Variants in PLET1 observed in about 807,000 individuals in gnomAD.
PLET1 encodes placenta expressed transcript 1.
Under a neutral mutation model 18.5 loss-of-function variants are expected in PLET1, and 20 were observed. That is an observed-to-expected ratio of 1.08 (90% CI 0.76 to 1.57). PLET1 has a LOEUF of 1.57. Ranked by LOEUF, PLET1 falls within the 40% of genes most tolerant of loss-of-function variation. PLET1 has a pLI of 0.00. For synonymous variants in PLET1, 93 were observed against 93.8 expected, an observed-to-expected ratio of 0.99 and a Z score of 0.05; for missense variants, 256 against 246.4, an observed-to-expected ratio of 1.04 and a Z score of -0.26.
intron 1 of PLET1, among the ~76,000 whole-genome samples, chr11:112,257,532 C>A (rs865881416): frequency 1.3e-5 from 2 of 152,200 alleles, no homozygotes; most frequent in African/African-American, 4.8e-5. Flanking sequence ...AGTCATGCAT[C>A]CAATGTTGTA....
Position 112,260,575 on chromosome 11 carries a change from A to G in PLET1, c.15T>C (p.His5=), listed in dbSNP as rs750215174. ...TCCCCAGTGGCTGCAGCAGCATGTC[A>G]TGGAAGACTGCCATGGTCTCAGTCT... is the stretch of plus-strand genomic sequence containing the variant. MAVF[H]DMLLQPLGMF... Residue 5 remains histidine, a synonymous_variant, in exon 1 of 4, where the codon CAT becomes CAC. Coordinates refer to ENST00000338832, the MANE Select transcript of PLET1 (RefSeq NM_001145024.1). 11 of 1,551,252 alleles carry G rather than the reference A, an allele frequency of 7.1e-6. No individual in the cohort carries two copies. In the South Asian group the frequency reaches 7.1e-5, roughly 10 times the overall value.
chr11:112,249,673 A>G (rs1860134752), intron 3 of PLET1, among the ~76,000 whole-genome samples: 1 of 152,122 alleles, frequency 6.6e-6, no homozygotes, highest in Non-Finnish European at 1.5e-5. Context: ...GGAGGTCTGT[A>G]AGGAAGAGGA....
intron 1 of PLET1, chr11:112,260,153 T>C: frequency 2.4e-6 from 1 of 422,842 alleles, no homozygotes; most frequent in Non-Finnish European, 4.2e-6. Flanking sequence ...AAGTGTGCTC[T>C]TGCTGGGACT....
At chr11:112,251,259 C>T (rs753557945) in intron 3 of PLET1, among the ~76,000 whole-genome samples, 4 of 147,646 alleles carry the variant, frequency 2.7e-5, no homozygotes, top group African/African-American at 7.5e-5. Flanking sequence ...TTCTGAATCT[C>T]CTTTCTTGAA....
rs1860122346 is a variant in PLET1 at position 112,248,387 on chromosome 11, G to A, written c.*412C>T. ...CAGAAGTTCCTTGTAACCTGAATGG[G>A]TTTGGTTAGAAATCTGAGATCATCT... On this transcript the variant is annotated 3_prime_UTR_variant, in exon 4 of 4. Coordinates refer to ENST00000338832, the MANE Select transcript of PLET1 (RefSeq NM_001145024.1). The A allele has an allele frequency of 2.5e-6, 1 of 394,864 alleles. No individual in the cohort carries two copies. The highest frequency in any genetic ancestry group is 1.4e-4 in the South Asian group (1 of 7,392). The allele number at this position is 394,864 out of a possible 1,614,324, so 24.5% of individuals were successfully genotyped here.
At chr11:112,251,538 G>A (rs150274633) in intron 3 of PLET1, among the ~76,000 whole-genome samples, 2,025 of 152,292 alleles carry the variant, frequency 0.013, 18 homozygotes, top group Middle Eastern at 0.048. Context: ...TCGCACTACT[G>A]CACTCCAGCC....
chr11:112,251,124 A>T (rs1378708204), intron 3 of PLET1, among the ~76,000 whole-genome samples: 1 of 152,194 alleles, frequency 6.6e-6, no homozygotes, highest in Non-Finnish European at 1.5e-5. Context: ...TAAAAAAGTC[A>T]TTCAAAAACA....
At chr11:112,255,104 A>G (rs917177641) in intron 2 of PLET1, among the ~76,000 whole-genome samples, 2 of 72,954 alleles carry the variant, frequency 2.7e-5, no homozygotes, top group Admixed American at 1.6e-4. Flanking sequence ...TGTGGTATGT[A>G]TGTGTGGTGT....
At chr11:112,255,323 T>C in intron 2 of PLET1, 65 bp downstream of exon 2, 2 of 1,465,606 alleles carry the variant, frequency 1.4e-6, no homozygotes, top group African/African-American at 1.4e-5. Flanking sequence ...CCTAGCTTAG[T>C]GTAAAACTGC....
Position 112,260,406 on chromosome 11 carries a change from C to T in PLET1, c.184G>A (p.Val62Ile). ...AGCAGAGAGCATGGCTTCTACTCAC[C>T]AGAATAGACTGCATTGCTTTCGTAG... ...HIYESNAVYSVFVPVNDSVYA... is the reference protein window; with the variant it reads ...HIYESNAVYSIFVPVNDSVYA... Residue 62 changes from valine (V) to isoleucine (I), a missense_variant and splice_region_variant, in exon 1 of 4, where the codon GTA becomes ATA. Physicochemically the swap from Val to Ile is conservative, Grantham distance 29. Transcript: ENST00000338832. 1 of 1,550,166 alleles carries T rather than the reference C, an allele frequency of 6.5e-7. No homozygotes were observed. The highest frequency in any genetic ancestry group is 8.7e-7 in the Non-Finnish European group (1 of 1,145,846).
chr11:112,252,454 C>A, intron 2 of PLET1, 45 bp from the exon 3 acceptor site: 1 of 1,503,492 alleles, frequency 6.7e-7, no homozygotes, highest in Non-Finnish European at 9.0e-7. Flanking sequence ...GGACCTCATG[C>A]GGAATTCACA....
intron 3 of PLET1, 46 bp downstream of exon 3, chr11:112,252,298 GCTGA>G: frequency 6.7e-7 from 1 of 1,487,026 alleles, no homozygotes; most frequent in Non-Finnish European, 9.2e-7. Flanking sequence ...AATTTTCCAG[GCTGA>G]CTGAGTTCAT....
At chr11:112,255,642 C>T (rs1860218050) in intron 1 of PLET1, 53 bp from the exon 2 acceptor site, 1 of 1,456,786 alleles carries the variant, frequency 6.9e-7, no homozygotes, top group South Asian at 1.2e-5. Flanking sequence ...CTGAGCCAAG[C>T]TCGAGGGATG....
In PLET1 at chr11:112,260,409, A is replaced by G; in HGVS notation, c.181T>C (p.Ser61Pro). The change falls in exon 1 of 4, where the codon TCT becomes CCT. Residue 61 changes from serine to proline, a missense_variant. Physicochemically the swap from Ser to Pro is moderately conservative, Grantham distance 74. Coordinates refer to ENST00000338832, the MANE Select transcript of PLET1 (RefSeq NM_001145024.1). ...SHIYESNAVY[S>P]VFVPVNDSVY... ...AGAGAGCATGGCTTCTACTCACCAG[A>G]ATAGACTGCATTGCTTTCGTAGATA... 6.4e-7 allele frequency: 1 copy of G among 1,551,238 alleles called. No individual in the cohort carries two copies. Among genetic ancestry groups the G allele is most frequent in the Non-Finnish European group, 8.7e-7 (1 of 1,146,582 alleles).
chr11:112,256,891 C>CG (rs1860230073), intron 1 of PLET1, among the ~76,000 whole-genome samples: 1 of 18,954 alleles, frequency 5.3e-5, no homozygotes, highest in African/African-American at 9.3e-5. Context: ...TCCTGCTTTT[C>CG]CCTTCCATTC....
At chr11:112,252,259 G>T in intron 3 of PLET1, 89 bp downstream of exon 3, 1 of 1,159,612 alleles carries the variant, frequency 8.6e-7, no homozygotes, top group Non-Finnish European at 1.3e-6. Flanking sequence ...GTGGTAAGAA[G>T]ACCCTCTTTT....
At chr11:112,256,335 A>G (rs1033214933) in intron 1 of PLET1, among the ~76,000 whole-genome samples, 1 of 152,178 alleles carries the variant, frequency 6.6e-6, no homozygotes, top group Non-Finnish European at 1.5e-5. Context: ...GGGCCCTTTC[A>G]GCCACGCAAA....
chr11:112,254,062 TC>T (rs1860184786), intron 2 of PLET1, among the ~76,000 whole-genome samples: 1 of 152,190 alleles, frequency 6.6e-6, no homozygotes, highest in Non-Finnish European at 1.5e-5. Context: ...TACACAATCA[TC>T]ACACTTTCTG....
chr11:112,252,005 A>C (rs572836619), intron 3 of PLET1, among the ~76,000 whole-genome samples: 1 of 152,208 alleles, frequency 6.6e-6, no homozygotes, highest in Non-Finnish European at 1.5e-5. Flanking sequence ...GTGAGTGGGA[A>C]TTATTTGTGG....
Sources: gnomAD v4.1 joint callset for allele counts (sites outside exome capture counted in the v4.1 genomes callset) on GRCh38, gnomAD v4.1.1 for gene constraint, MANE v1.5 for transcripts, NCBI Gene and HGNC (gene_info 2026-07-23, HGNC 2026-07-21) for gene names.